LDB2: variants seen among roughly 807,000 people sequenced by gnomAD.
The protein encoded by LDB2 is LIM domain binding 2.
A neutral mutation model predicts 44.3 loss-of-function variants in LDB2; 12 were observed. The observed-to-expected ratio is 0.27, with a 90% CI of 0.17 to 0.44. LDB2 has a LOEUF of 0.44. Among genes scored for constraint, LDB2 ranks in the 20% least tolerant of loss-of-function variants. LDB2 has a pLI of 1.00. For synonymous variants in LDB2, 164 were observed against 174.8 expected (o/e 0.94, Z 0.49); for missense variants, 344 against 473.5 (o/e 0.73, Z 2.54).
intron 1 of LDB2, among the ~76,000 whole-genome samples, chr4:16,767,512 C>T (rs111288100): frequency 3.3e-5 from 5 of 152,158 alleles, no homozygotes; most frequent in South Asian, 2.1e-4. Flanking sequence ...ATCTGGGACA[C>T]GTGTTTTCCC....
chr4:16,622,446 C>T (rs1176088409), intron 2 of LDB2, among the ~76,000 whole-genome samples: 1 of 152,166 alleles, frequency 6.6e-6, no homozygotes, highest in African/African-American at 2.4e-5. Flanking sequence ...ATAGCGATAG[C>T]AAAATTTTCC....
At chr4:16,759,566 T>A in intron 1 of LDB2, among the ~76,000 whole-genome samples, 1 of 152,232 alleles carries the variant, frequency 6.6e-6, no homozygotes, top group East Asian at 1.9e-4. Context: ...ACAAAAGGGT[T>A]TGCATTTAAT....
At chr4:16,590,311 C>T (rs1385441332) in intron 3 of LDB2, among the ~76,000 whole-genome samples, 2 of 152,130 alleles carry the variant, frequency 1.3e-5, no homozygotes, top group Admixed American at 6.5e-5. Flanking sequence ...ACACTCCAGA[C>T]ACTTGAAAAA....
intron 2 of LDB2, among the ~76,000 whole-genome samples, chr4:16,717,773 C>A (rs1461752844): frequency 6.6e-6 from 1 of 152,100 alleles, no homozygotes; most frequent in Non-Finnish European, 1.5e-5. Context: ...CGCATTTATG[C>A]CCTTTAAGTC....
chr4:16,847,633 T>TTTGTTTGTTTC, intron 1 of LDB2, among the ~76,000 whole-genome samples: 1 of 116,926 alleles, frequency 8.6e-6, no homozygotes, highest in Non-Finnish European at 1.9e-5. Context: ...TTGTTTGTTT[T>TTTGTTTGTTTC]TTGAGACGGA....
intron 2 of LDB2, among the ~76,000 whole-genome samples, chr4:16,754,042 G>A (rs1765993436): frequency 1.3e-5 from 2 of 152,178 alleles, no homozygotes; most frequent in Admixed American, 1.3e-4. Flanking sequence ...CCAACAGAAA[G>A]TGCTCTGAAA....
At chr4:16,883,035 T>A (rs558348454) in intron 1 of LDB2, among the ~76,000 whole-genome samples, 1 of 152,164 alleles carries the variant, frequency 6.6e-6, no homozygotes, top group African/African-American at 2.4e-5. Context: ...AAAACAACCA[T>A]CGAGCCTTCC....
rs193280757 is a variant in LDB2, at chr4:16,676,151, G to A, written c.236-80276C>T. Among the ~76,000 whole-genome samples, 75 of 152,348 alleles carry A rather than the reference G, an allele frequency of 4.9e-4. 1 individual carries two copies. In the East Asian group the frequency reaches 7.1e-3, roughly 14 times the overall value. ...CCGCAGGGCGTGGAGGAGAGGTTGT[G>A]TGTGTGTGTGCATTTGTGTGTTAAA... On this transcript the variant is annotated intron_variant, in intron 2 of 7. Coordinates refer to ENST00000304523, the MANE Select transcript of LDB2 (RefSeq NM_001290.5).
intron 1 of LDB2, among the ~76,000 whole-genome samples, chr4:16,897,916 A>ATATATATATACACACACATATG (rs1725645014): frequency 1.8e-4 from 3 of 16,538 alleles, no homozygotes; most frequent in Non-Finnish European, 2.8e-4. Context: ...ATATATATAT[A>ATATATATATACACACACATATG]TATATATATA....
intron 1 of LDB2, among the ~76,000 whole-genome samples, chr4:16,841,672 T>C (rs894506655): frequency 6.6e-6 from 1 of 152,214 alleles, no homozygotes; most frequent in Non-Finnish European, 1.5e-5. Context: ...TAGGATGCAG[T>C]ATGTGCAAAA....
chr4:16,547,431 C>A (rs578073985), intron 5 of LDB2, among the ~76,000 whole-genome samples: 7 of 152,260 alleles, frequency 4.6e-5, no homozygotes, highest in African/African-American at 1.7e-4. Flanking sequence ...TATATTCACC[C>A]AAATGAGACC....
intron 2 of LDB2, among the ~76,000 whole-genome samples, chr4:16,717,016 T>C (rs921919741): frequency 6.6e-6 from 1 of 152,038 alleles, no homozygotes; most frequent in Non-Finnish European, 1.5e-5. Flanking sequence ...GCAGATAAAG[T>C]TTTTAAAAGA....
At chr4:16,835,913 T>C (rs1352510936) in intron 1 of LDB2, among the ~76,000 whole-genome samples, 1 of 152,198 alleles carries the variant, frequency 6.6e-6, no homozygotes, top group Non-Finnish European at 1.5e-5. Flanking sequence ...ATCTGAGCTC[T>C]AGTGATGTGC....
At chr4:16,534,306 G>A (rs1356108630) in intron 5 of LDB2, among the ~76,000 whole-genome samples, 1 of 152,198 alleles carries the variant, frequency 6.6e-6, no homozygotes, top group Non-Finnish European at 1.5e-5. Context: ...AACCCATGGA[G>A]TATCATGATA....
At position 16,759,259 on chromosome 4, in the gene LDB2, T is replaced by C; in HGVS notation, c.134A>G (p.Asp45Gly). 1 of 1,599,762 alleles carries C rather than the reference T, an allele frequency of 6.3e-7. No homozygotes were observed. The highest frequency in any genetic ancestry group is 8.6e-7 in the Non-Finnish European group (1 of 1,166,960). Residue 45 changes from aspartate (D) to glycine (G), a missense_variant and splice_region_variant, in exon 2 of 8, where the codon GAT becomes GGT. By Grantham distance (94) the Asp-to-Gly change is moderately conservative (BLOSUM62 -1). This residue lies in a region of LDB2 where 226 missense variants were observed against 270.1 expected (regional missense o/e 0.84). Transcript: ENST00000304523. ...GGCGTCCCACCAGAGGTTGTCACTA[T>C]CCTGCAAAGAGACAGATCATTTATT... Reference protein sequence around the residue: ...MNKRLQSRTEDSDNLWWDAFA... With the variant: ...MNKRLQSRTEGSDNLWWDAFA...
intron 2 of LDB2, among the ~76,000 whole-genome samples, chr4:16,603,875 T>C (rs548195612): frequency 1.3e-4 from 20 of 152,196 alleles, no homozygotes; most frequent in Non-Finnish European, 2.6e-4. Context: ...TTTTTCTTTG[T>C]TCTTTCTTTT....
chr4:16,852,775 C>T (rs1018816544), intron 1 of LDB2, among the ~76,000 whole-genome samples: 5 of 152,106 alleles, frequency 3.3e-5, no homozygotes, highest in Non-Finnish European at 7.4e-5. Flanking sequence ...AAGGCAGTTA[C>T]AGGCATGTAA....
chr4:16,807,796 T>C (rs957140144), intron 1 of LDB2, among the ~76,000 whole-genome samples: 1 of 152,210 alleles, frequency 6.6e-6, no homozygotes, highest in African/African-American at 2.4e-5. Flanking sequence ...TTGATTTGCA[T>C]CTATCCTTCC....
chr4:16,805,908 C>T (rs993864789), intron 1 of LDB2, among the ~76,000 whole-genome samples: 1 of 152,218 alleles, frequency 6.6e-6, no homozygotes, highest in African/African-American at 2.4e-5. Flanking sequence ...CAGGCACCCT[C>T]TCTTCTCTGA....
Sources: gnomAD v4.1 joint callset for allele counts (sites outside exome capture counted in the v4.1 genomes callset) on GRCh38, gnomAD v4.1.1 for gene constraint, gnomAD v4.1.1 regional missense constraint, MANE v1.5 for transcripts, NCBI Gene and HGNC (gene_info 2026-07-23, HGNC 2026-07-21) for gene names.